RBFOX1: variants seen among roughly 807,000 people sequenced by gnomAD.
RBFOX1 encodes the protein RNA binding fox-1 homolog 1.
RBFOX1 carries 8 observed loss-of-function variants against 57.7 expected under a neutral mutation model. That is an observed-to-expected ratio of 0.14 (90% CI 0.08 to 0.25). RBFOX1 has a LOEUF of 0.25. Among genes scored for constraint, RBFOX1 ranks in the 10% least tolerant of loss-of-function variants. The probability of loss-of-function intolerance (pLI) is 1.00; values close to 1 mark genes in which losing one functional copy is unlikely to be tolerated. For synonymous variants in RBFOX1, 326 were observed against 222.4 expected (o/e 1.47, Z -4.15); for missense variants, 611 against 548.5 (o/e 1.11, Z -1.14).
At chr16:5,898,758 C>T (rs1472452502) in intron 4 of RBFOX1, among the ~76,000 whole-genome samples, 1 of 151,748 alleles carries the variant, frequency 6.6e-6, no homozygotes, top group African/African-American at 2.4e-5. Context: ...CTCATTAATT[C>T]ATATAAAAAA....
At chr16:7,259,544 T>G (rs567527890) in intron 4 of RBFOX1, among the ~76,000 whole-genome samples, 2 of 151,368 alleles carry the variant, frequency 1.3e-5, no homozygotes, top group Admixed American at 6.6e-5. Flanking sequence ...CAGGAGATAG[T>G]CAGTATAAAT....
At chr16:5,750,092 C>G (rs112735637) in intron 3 of RBFOX1, among the ~76,000 whole-genome samples, 1 of 152,148 alleles carries the variant, frequency 6.6e-6, no homozygotes, top group South Asian at 2.1e-4. Flanking sequence ...ACAGTCAAGA[C>G]CCTCAGCTGC....
intron 2 of RBFOX1, among the ~76,000 whole-genome samples, chr16:6,582,152 C>T (rs957128107): frequency 2.0e-5 from 3 of 152,114 alleles, no homozygotes; most frequent in African/African-American, 7.2e-5. Flanking sequence ...TTAAAATGGA[C>T]CCCTTGTAAA....
At chr16:6,660,693 A>T (rs1450616147) in intron 3 of RBFOX1, among the ~76,000 whole-genome samples, 1 of 152,220 alleles carries the variant, frequency 6.6e-6, no homozygotes, top group Non-Finnish European at 1.5e-5. Flanking sequence ...TGAGAAATTC[A>T]TAATACTGCA....
intron 10 of RBFOX1, among the ~76,000 whole-genome samples, chr16:7,615,555 T>A (rs3785238): frequency 0.42 from 64,535 of 151,916 alleles, 15,198 homozygotes; most frequent in African/African-American, 0.63. Flanking sequence ...CCAAAGCTGT[T>A]ATCTTTGTGA....
intron 4 of RBFOX1, among the ~76,000 whole-genome samples, chr16:5,962,661 G>C (rs1044311962): frequency 1.3e-5 from 2 of 152,066 alleles, no homozygotes; most frequent in African/African-American, 4.8e-5. Context: ...CTGAGAAATG[G>C]CTAACAGATC....
chr16:7,125,879 T>G (rs12444267), intron 4 of RBFOX1, among the ~76,000 whole-genome samples: 14,197 of 152,094 alleles, frequency 0.093, 780 homozygotes, highest in African/African-American at 0.14. Flanking sequence ...GGTCAGGAGT[T>G]CAAGACCATC....
chr16:6,113,877 A>G (rs1269267632), intron 1 of RBFOX1, among the ~76,000 whole-genome samples: 1 of 152,166 alleles, frequency 6.6e-6, no homozygotes, highest in Non-Finnish European at 1.5e-5. Context: ...CTCCCATCCC[A>G]GAGAAACCTG....
At chr16:6,915,577 G>A (rs558094632) in intron 3 of RBFOX1, among the ~76,000 whole-genome samples, 6 of 125,770 alleles carry the variant, frequency 4.8e-5, no homozygotes, top group South Asian at 2.5e-4. Flanking sequence ...TTGACACAGT[G>A]TCTTGCTCTG....
intron 4 of RBFOX1, among the ~76,000 whole-genome samples, chr16:7,504,771 T>TTA (rs1200144121): frequency 2.0e-4 from 10 of 49,816 alleles, no homozygotes; most frequent in African/African-American, 1.2e-3. Flanking sequence ...ATATATATAT[T>TTA]TATATATATA....
rs530270390 is a variant in RBFOX1 at position 6,541,403 on chromosome 16, C to T, written c.-63-113200C>T. 3.3e-5 allele frequency among the ~76,000 whole-genome samples: 5 copies of T among 152,284 alleles called. No individual in the cohort carries two copies. The East Asian group carries it at 9.7e-4, about 29-fold the overall frequency. Reference sequence around the variant, plus strand: ...AAACAGAGGTTATGGCAGTGAGCAGCACTGGACAGTTCCCTGCTCACATGG... The same window carrying T: ...AAACAGAGGTTATGGCAGTGAGCAGTACTGGACAGTTCCCTGCTCACATGG... On this transcript the variant is annotated intron_variant, in intron 2 of 15. Coordinates refer to ENST00000550418, the MANE Select transcript of RBFOX1 (RefSeq NM_018723.4).
At chr16:6,619,232 G>A (rs1362123623) in intron 2 of RBFOX1, among the ~76,000 whole-genome samples, 1 of 151,942 alleles carries the variant, frequency 6.6e-6, no homozygotes, top group African/African-American at 2.4e-5. Flanking sequence ...TGAGGCAGCT[G>A]GGCTAACACT....
intron 3 of RBFOX1, among the ~76,000 whole-genome samples, chr16:6,872,618 C>T (rs1311478684): frequency 6.6e-6 from 1 of 152,122 alleles, no homozygotes; most frequent in African/African-American, 2.4e-5. Flanking sequence ...TGTGCAACTA[C>T]TTTGAATATT....
chr16:6,238,341 C>G (rs1185669608), intron 1 of RBFOX1, among the ~76,000 whole-genome samples: 1 of 152,260 alleles, frequency 6.6e-6, no homozygotes, highest in South Asian at 2.1e-4. Context: ...CCAGGAACCT[C>G]TATCACATTA....
At chr16:5,892,259 G>A (rs1312030134) in intron 4 of RBFOX1, among the ~76,000 whole-genome samples, 3 of 152,204 alleles carry the variant, frequency 2.0e-5, no homozygotes, top group African/African-American at 7.2e-5. Flanking sequence ...ACTTGGCGGG[G>A]TTGAGGGGAG....
At chr16:5,898,197 C>G (rs997771989) in intron 4 of RBFOX1, among the ~76,000 whole-genome samples, 3 of 152,110 alleles carry the variant, frequency 2.0e-5, no homozygotes, top group African/African-American at 7.2e-5. Flanking sequence ...CTCACTCACT[C>G]TCATGAGAAC....
At chr16:7,461,402 G>A (rs973648374) in intron 4 of RBFOX1, among the ~76,000 whole-genome samples, 4 of 152,094 alleles carry the variant, frequency 2.6e-5, no homozygotes, top group Non-Finnish European at 4.4e-5. Context: ...TGTTGACCTC[G>A]TGATCCGCTC....
At chr16:7,020,436 G>C (rs967442054) in intron 3 of RBFOX1, among the ~76,000 whole-genome samples, 1 of 152,046 alleles carries the variant, frequency 6.6e-6, no homozygotes, top group Non-Finnish European at 1.5e-5. Flanking sequence ...GGTGAGGCTG[G>C]TCTTGAACTC....
intron 4 of RBFOX1, among the ~76,000 whole-genome samples, chr16:5,923,530 C>CT (rs71404564): frequency 0.34 from 37,345 of 109,236 alleles, 6,932 homozygotes; most frequent in South Asian, 0.51. Context: ...CAGAGCCAGG[C>CT]TTTTTTTTTT....
Sources: allele counts gnomAD v4.1 joint callset (sites outside exome capture counted in the v4.1 genomes callset), GRCh38; gene constraint gnomAD v4.1.1; transcripts MANE v1.5; gene names NCBI Gene and HGNC (gene_info 2026-07-23, HGNC 2026-07-21).